Variants in TXNDC16 observed in about 807,000 individuals in gnomAD.
The protein encoded by TXNDC16 is thioredoxin domain-containing protein 16.
TXNDC16 carries 74 observed loss-of-function variants against 85.6 expected under a neutral mutation model. The observed-to-expected ratio is 0.86, with a 90% CI of 0.72 to 1.05. The LOEUF (loss-of-function observed/expected upper bound fraction) is 1.05, where lower values mean the gene tolerates loss of function less well. Ranked by LOEUF, TXNDC16 falls within the 50% of genes least tolerant of loss-of-function variation. The pLI is 0.00. For missense variants in TXNDC16, 959 were observed against 947.0 expected, an observed-to-expected ratio of 1.01 and a Z score of -0.17; for synonymous variants, 335 against 326.5, an observed-to-expected ratio of 1.03 and a Z score of -0.28.
intron 20 of TXNDC16, among the ~76,000 whole-genome samples, chr14:52,433,773 G>A (rs2034961989): frequency 6.6e-6 from 1 of 152,178 alleles, no homozygotes; most frequent in South Asian, 2.1e-4. Flanking sequence ...TGCCAGGTTA[G>A]CAGGTTCAAA....
chr14:52,443,926 C>G (rs2035221994), intron 18 of TXNDC16, among the ~76,000 whole-genome samples: 1 of 151,786 alleles, frequency 6.6e-6, no homozygotes, highest in South Asian at 2.1e-4. Context: ...GAATCATCAG[C>G]TGGTAGTGAT....
In TXNDC16 at chr14:52,536,265, C is replaced by A. The variant is rs114300612; in HGVS notation, c.392+454G>T. 8.8e-3 allele frequency among the ~76,000 whole-genome samples: 1,344 copies of A among 152,258 alleles called. 19 individuals carry two copies. The highest frequency in any genetic ancestry group is 0.031 in the African/African-American group (1,285 of 41,548). ...CAGGGAAAAGATGACCAGCTATAAA[C>A]CAGGGGCCCTCACCCAACACCAAAT... On this transcript the variant is annotated intron_variant, in intron 6 of 20. Transcript: ENST00000281741.
At chr14:52,470,218 T>C in intron 15 of TXNDC16, 45 bp from the exon 16 acceptor site, 1 of 1,436,922 alleles carries the variant, frequency 7.0e-7, no homozygotes, top group Non-Finnish European at 9.4e-7. Context: ...TTTTAAGATA[T>C]TTTCAGTTTG....
intron 14 of TXNDC16, among the ~76,000 whole-genome samples, chr14:52,475,807 G>C (rs371898861): frequency 6.6e-6 from 1 of 152,022 alleles, no homozygotes. Flanking sequence ...TGTTCCTCCC[G>C]ATACCAATGC....
chr14:52,480,064 G>A (rs1240896913), intron 14 of TXNDC16, among the ~76,000 whole-genome samples: 1 of 152,034 alleles, frequency 6.6e-6, no homozygotes. Context: ...ATAAAGTGGG[G>A]AAAGACCTAT....
intron 6 of TXNDC16, among the ~76,000 whole-genome samples, chr14:52,527,585 C>A (rs925120651): frequency 1.3e-5 from 2 of 152,044 alleles, no homozygotes; most frequent in African/African-American, 4.8e-5. Flanking sequence ...CCTATATAAA[C>A]TCGGAGATTA....
chr14:52,455,936 G>T (rs8003291), intron 17 of TXNDC16, among the ~76,000 whole-genome samples: 77,281 of 151,920 alleles, frequency 0.51, 20,617 homozygotes, highest in East Asian at 0.7. Flanking sequence ...AAATAGGACT[G>T]AGAGAGTGAT....
At position 52,440,596 on chromosome 14, in the gene TXNDC16, G is replaced by C. The variant is rs890330090; in HGVS notation, c.1971C>G (p.Tyr657Ter). The stretch of plus-strand genomic sequence containing the variant: ...ACCAGCATGGAGTAAATGAATCCAA[G>C]TATTTCTGCTTTACCAGTGTCAATA... ...KAILTLVKQK[Y>*]LDSFTPCWLN... is the part of the protein sequence containing the mutation. The change falls in exon 19 of 21, where the codon TAC (tyrosine) becomes TAG (stop). Residue 657 changes from tyrosine to a stop codon, truncating the protein, a stop_gained. Coordinates refer to ENST00000281741, the MANE Select transcript of TXNDC16 (RefSeq NM_020784.3). LOFTEE classifies it high-confidence loss of function. The C allele has an allele frequency of 1.2e-6, 2 of 1,606,570 alleles. No individual in the cohort carries two copies. The highest frequency in any genetic ancestry group is 1.7e-6 in the Non-Finnish European group (2 of 1,177,672).
At chr14:52,456,211 G>A (rs2035529799) in intron 17 of TXNDC16, among the ~76,000 whole-genome samples, 1 of 152,104 alleles carries the variant, frequency 6.6e-6, no homozygotes, top group Non-Finnish European at 1.5e-5. Context: ...CCAGTTTTCA[G>A]GTCACTTAAA....
chr14:52,497,910 C>T (rs1009196655), intron 9 of TXNDC16, among the ~76,000 whole-genome samples: 18 of 146,468 alleles, frequency 1.2e-4, no homozygotes, highest in African/African-American at 4.1e-4. Flanking sequence ...ACCTACCAAA[C>T]TGAATTCAGC....
chr14:52,511,087 GA>G (rs1354052063), intron 9 of TXNDC16, among the ~76,000 whole-genome samples, 152 bp downstream of exon 9: 1 of 150,774 alleles, frequency 6.6e-6, no homozygotes, highest in Non-Finnish European at 1.5e-5. Context: ...CCCTCAAAAT[GA>G]AAAAAAGGGA....
chr14:52,451,409 A>G (rs374665856), intron 18 of TXNDC16, among the ~76,000 whole-genome samples: 1 of 152,172 alleles, frequency 6.6e-6, no homozygotes, highest in East Asian at 1.9e-4. Context: ...ACAACAGGCC[A>G]ATATCATTGA....
chr14:52,527,422 G>C (rs1357050958), intron 6 of TXNDC16, among the ~76,000 whole-genome samples: 2 of 150,800 alleles, frequency 1.3e-5, no homozygotes, highest in African/African-American at 4.9e-5. Context: ...GAGAGCAGAG[G>C]AAAAATGATT....
intron 8 of TXNDC16, among the ~76,000 whole-genome samples, chr14:52,512,144 C>G (rs1047108398): frequency 4.6e-5 from 7 of 151,952 alleles, no homozygotes; most frequent in African/African-American, 1.2e-4. Flanking sequence ...ATTTAATTAC[C>G]AAGTAATTTC....
intron 12 of TXNDC16, among the ~76,000 whole-genome samples, chr14:52,488,035 T>C (rs1462567390): frequency 6.6e-6 from 1 of 152,214 alleles, no homozygotes; most frequent in East Asian, 1.9e-4. Flanking sequence ...CAATGAATTA[T>C]CATGTTGTAG....
At chr14:52,432,743 A>G (rs2034933861) in intron 20 of TXNDC16, among the ~76,000 whole-genome samples, 156 bp from the exon 21 acceptor site, 1 of 152,168 alleles carries the variant, frequency 6.6e-6, no homozygotes, top group East Asian at 1.9e-4. Flanking sequence ...TTTTACTGTC[A>G]TTGTCAACAA....
intron 6 of TXNDC16, among the ~76,000 whole-genome samples, chr14:52,530,267 T>C: frequency 5.1e-5 from 3 of 58,284 alleles, no homozygotes; most frequent in Non-Finnish European, 8.0e-5. Context: ...ATATAATATA[T>C]ATTATTATTT....
intron 7 of TXNDC16, among the ~76,000 whole-genome samples, chr14:52,518,690 A>C (rs2037140477): frequency 1.3e-5 from 2 of 152,060 alleles, no homozygotes; most frequent in Non-Finnish European, 2.9e-5. Context: ...GTTAGTCAAC[A>C]TTATTTACTG....
chr14:52,519,828 G>A (rs1037796275), intron 6 of TXNDC16, among the ~76,000 whole-genome samples: 14 of 152,108 alleles, frequency 9.2e-5, no homozygotes, highest in Non-Finnish European at 1.9e-4. Context: ...ATTAAACATC[G>A]TTGCCTCAGA....
Sources: gnomAD v4.1 joint callset for allele counts (sites outside exome capture counted in the v4.1 genomes callset) on GRCh38, gnomAD v4.1.1 for gene constraint, MANE v1.5 for transcripts, NCBI Gene and HGNC (gene_info 2026-07-23, HGNC 2026-07-21) for gene names.